Variants in KMT2C observed in about 807,000 individuals in gnomAD.
The protein encoded by KMT2C is lysine methyltransferase 2C.
Under a neutral mutation model 507.9 loss-of-function variants are expected in KMT2C, and 88 were observed. That is an observed-to-expected ratio of 0.17 (90% confidence interval 0.15 to 0.21). The LOEUF (loss-of-function observed/expected upper bound fraction) is 0.21, where lower values mean the gene tolerates loss of function less well. KMT2C is among the 10% of genes least tolerant of loss of function. The pLI, the probability that KMT2C is intolerant of heterozygous loss-of-function variation, is 1.00. For synonymous variants in KMT2C, 2,049 were observed against 2,080.8 expected, an observed-to-expected ratio of 0.98 and a Z score of 0.42; for missense variants, 4,954 against 5,957.8, an observed-to-expected ratio of 0.83 and a Z score of 5.55.
intron 44 of KMT2C, among the ~76,000 whole-genome samples, chr7:152,158,514 T>A (rs1216538382): frequency 6.6e-6 from 1 of 151,718 alleles, no homozygotes; most frequent in Non-Finnish European, 1.5e-5. Flanking sequence ...ATTGTTTGTT[T>A]TTTTTTTGTT....
rs115746359 is a variant in KMT2C at position 152,354,748 on chromosome 7, A to C, written c.250+3839T>G. Among the ~76,000 whole-genome samples the C allele has an allele frequency of 9.5e-3, 1,448 of 152,332 alleles. 29 individuals are homozygous for C. The highest frequency in any genetic ancestry group is 0.034 in the African/African-American group (1,393 of 41,562). On this transcript the variant is annotated intron_variant, in intron 2 of 58. Coordinates refer to ENST00000262189, the MANE Select transcript of KMT2C (RefSeq NM_170606.3). The stretch of plus-strand genomic sequence containing the variant: ...TTGGTGGGCTCCTGGAAAAGCCAGG[A>C]GGCCAGTAAGGATGGAGCCCAGTGA...
intron 23 of KMT2C, chr7:152,219,946 T>C (rs1307240751): frequency 1.3e-5 from 2 of 151,890 alleles, no homozygotes; most frequent in Non-Finnish European, 2.9e-5. Context: ...GAGGTTGTAG[T>C]AAGCCAAGAT....
rs772215091 is a variant in KMT2C, at chr7:152,315,223, T to C, written c.505A>G (p.Asn169Asp). The C allele has an allele frequency of 1.6e-5, 26 of 1,613,678 alleles. No individual in the cohort carries two copies. Among genetic ancestry groups the C allele is most frequent in the Non-Finnish European group, 1.9e-5 (22 of 1,179,706 alleles). Residue 169 changes from asparagine to aspartate, a missense_variant, in exon 4 of 59, where the codon AAC (asparagine) becomes GAC (aspartate). Physicochemically the swap from Asn to Asp is conservative, Grantham distance 23. Transcript: ENST00000262189. ...CTGTTGTCATCAATGTCCTTCTTGTTAGAAGGTTGGTTTCTCCATGGCAAG... is the reference window on the plus strand; with the variant it reads ...CTGTTGTCATCAATGTCCTTCTTGTCAGAAGGTTGGTTTCTCCATGGCAAG... ...FILPWRNQPS[N>D]KKDIDDNSNG...
chr7:152,175,345 T>A (rs1337324421), intron 38 of KMT2C, among the ~76,000 whole-genome samples: 1 of 151,974 alleles, frequency 6.6e-6, no homozygotes, highest in Non-Finnish European at 1.5e-5. Context: ...TATTATACTT[T>A]AAATTCTGGG....
chr7:152,283,407 A>G (rs2096251752), intron 6 of KMT2C, among the ~76,000 whole-genome samples: 1 of 152,142 alleles, frequency 6.6e-6, no homozygotes, highest in Non-Finnish European at 1.5e-5. Flanking sequence ...AGTTAGTTGG[A>G]TACACTTAAA....
In KMT2C at chr7:152,311,846, C is replaced by T; in HGVS notation, c.691G>A (p.Val231Ile). ...AGKLWDELSLVGLPDAIDIQA... is the reference protein window; with the variant it reads ...AGKLWDELSLIGLPDAIDIQA... ...ATATCAATGGCATCTGGAAGCCCAACCAGACTGAGTTCATCCCACAGTTTA... is the reference window on the plus strand; with the variant it reads ...ATATCAATGGCATCTGGAAGCCCAATCAGACTGAGTTCATCCCACAGTTTA... Residue 231 changes from valine to isoleucine, a missense_variant, in exon 5 of 59, where the codon GTT (valine) becomes ATT (isoleucine). Transcript: ENST00000262189. The T allele has an allele frequency of 6.2e-7, 1 of 1,611,724 alleles. No individual in the cohort carries two copies. The highest frequency in any genetic ancestry group is 8.5e-7 in the Non-Finnish European group (1 of 1,178,276).
chr7:152,241,805 GA>G (rs1414674285), intron 14 of KMT2C, among the ~76,000 whole-genome samples: 2 of 152,120 alleles, frequency 1.3e-5, no homozygotes, highest in Non-Finnish European at 2.9e-5. Flanking sequence ...ATATGAGACA[GA>G]AAGTCGTACT....
chr7:152,208,634 A>G (rs2094369824), intron 23 of KMT2C, among the ~76,000 whole-genome samples: 2 of 152,218 alleles, frequency 1.3e-5, no homozygotes, highest in South Asian at 2.1e-4. Flanking sequence ...ATGGTAATCA[A>G]ACTTTTCCAA....
At chr7:152,284,800 A>C (rs1392842133) in intron 6 of KMT2C, among the ~76,000 whole-genome samples, 1 of 152,264 alleles carries the variant, frequency 6.6e-6, no homozygotes, top group African/African-American at 2.4e-5. Context: ...GCAAAAAAAG[A>C]CATAAAAAGA....
At chr7:152,257,174 T>C (rs1284412098) in intron 9 of KMT2C, among the ~76,000 whole-genome samples, 1 of 152,136 alleles carries the variant, frequency 6.6e-6, no homozygotes, top group Non-Finnish European at 1.5e-5. Context: ...ATGCAGCTGT[T>C]TAAAAGGAGA....
Position 152,435,753 on chromosome 7 carries a change from G to A in KMT2C, c.34C>T (p.Pro12Ser), listed in dbSNP as rs1468886245. The change falls in exon 1 of 59, where the codon CCG becomes TCG. Residue 12 changes from proline (P) to serine (S), a missense_variant. By Grantham distance (74) the Pro-to-Ser change is moderately conservative. Coordinates refer to ENST00000262189, the MANE Select transcript of KMT2C (RefSeq NM_170606.3). ...TCGGGGGGTGGTGGCGGCGGCTGCG[G>A]CTGCTCCACGCTCTTGTCCTCCTCC... Reference protein sequence around the residue: ...SSEEDKSVEQPQPPPPPPEEP... With the variant: ...SSEEDKSVEQSQPPPPPPEEP... 3 of 1,514,376 alleles carry A rather than the reference G, an allele frequency of 2.0e-6. No homozygotes were observed. Among genetic ancestry groups the A allele is most frequent in the Admixed American group, 2.1e-5 (1 of 47,610 alleles). The allele number at this position is 1,514,376 out of a possible 1,614,324, so 93.8% of individuals were successfully genotyped here.
At chr7:152,427,372 C>T (rs1054379691) in intron 1 of KMT2C, among the ~76,000 whole-genome samples, 3 of 152,170 alleles carry the variant, frequency 2.0e-5, no homozygotes, top group Non-Finnish European at 4.4e-5. Flanking sequence ...ACAAAATATA[C>T]ACACAGTTTG....
chr7:152,347,406 G>A (rs1325856523), intron 2 of KMT2C, among the ~76,000 whole-genome samples: 2 of 152,184 alleles, frequency 1.3e-5, no homozygotes, highest in Non-Finnish European at 2.9e-5. Context: ...TGAACATGGT[G>A]AAAGATACAT....
At position 152,220,752 on chromosome 7, in the gene KMT2C, C is replaced by G. The variant is rs2129145793; in HGVS notation, c.3500-17G>C. On this transcript the variant is annotated splice_polypyrimidine_tract_variant and intron_variant, in intron 22 of 58. Coordinates refer to ENST00000262189, the MANE Select transcript of KMT2C (RefSeq NM_170606.3). ...TGGGTGGGTCTAAAATTACAAAATC[C>G]CAAGGATACAAATTTAAACTTTCAT... The G allele has an allele frequency of 1.2e-5, 19 of 1,561,762 alleles. No homozygotes were observed. Among genetic ancestry groups the G allele is most frequent in the Non-Finnish European group, 1.7e-5 (19 of 1,135,172 alleles).
At chr7:152,266,969 G>A (rs2095868611) in intron 7 of KMT2C, among the ~76,000 whole-genome samples, 1 of 151,978 alleles carries the variant, frequency 6.6e-6, no homozygotes, top group Non-Finnish European at 1.5e-5. Context: ...TTTGCACTTT[G>A]TAGCATTTGC....
chr7:152,387,548 G>T (rs2097442240), intron 1 of KMT2C, among the ~76,000 whole-genome samples: 2 of 147,436 alleles, frequency 1.4e-5, no homozygotes, highest in Non-Finnish European at 1.5e-5. Context: ...TCGGCTCGCT[G>T]CAAGCTCTGC....
intron 7 of KMT2C, among the ~76,000 whole-genome samples, chr7:152,270,806 C>G (rs1468821176): frequency 1.3e-5 from 2 of 152,066 alleles, no homozygotes; most frequent in African/African-American, 4.8e-5. Flanking sequence ...CAACAATGAC[C>G]AGCCATTTAC....
At chr7:152,291,712 C>G (rs2096430097) in intron 6 of KMT2C, among the ~76,000 whole-genome samples, 1 of 152,222 alleles carries the variant, frequency 6.6e-6, no homozygotes, top group African/African-American at 2.4e-5. Flanking sequence ...ACTGGTAACA[C>G]CTATTCATCC....
chr7:152,423,423 T>C (rs1257436055), intron 1 of KMT2C, among the ~76,000 whole-genome samples: 1 of 152,234 alleles, frequency 6.6e-6, no homozygotes, highest in Non-Finnish European at 1.5e-5. Flanking sequence ...GCCAATTATA[T>C]GTAAGAGAAA....
Sources: gnomAD v4.1 joint callset for allele counts (sites outside exome capture counted in the v4.1 genomes callset) on GRCh38, gnomAD v4.1.1 for gene constraint, MANE v1.5 for transcripts, NCBI Gene and HGNC (gene_info 2026-07-23, HGNC 2026-07-21) for gene names.